The following TEDDM1 variants were observed in gnomAD, a reference collection of about 807,000 sequenced individuals.
TEDDM1 encodes the protein transmembrane epididymal protein 1.
For missense variants in TEDDM1, 344 were observed against 318.9 expected (o/e 1.08, Z -0.60); for synonymous variants, 126 against 128.0 (o/e 0.98, Z 0.11).
chr1:182,398,821 T>G lies in TEDDM1; in HGVS notation c.*843A>C, dbSNP rs574574704. 6.6e-6 allele frequency: 1 copy of G among 152,336 alleles called. No individual in the cohort carries two copies. Among genetic ancestry groups the G allele is most frequent in the East Asian group, 1.9e-4 (1 of 5,194 alleles). The allele number at this position is 152,336 out of a possible 1,614,324, so 9.4% of individuals were successfully genotyped here. Reference sequence around the variant, plus strand: ...TATAAAAATGCTATAGCAGTTGAATTCTATACAAATTTAAATTATGGAAAT... The same window carrying G: ...TATAAAAATGCTATAGCAGTTGAATGCTATACAAATTTAAATTATGGAAAT... On this transcript the variant is annotated 3_prime_UTR_variant, in exon 1 of 1. Coordinates refer to ENST00000367565, the MANE Select transcript of TEDDM1 (RefSeq NM_172000.4).
rs993566836 is a variant in TEDDM1 at position 182,398,780 on chromosome 1, C to T, written c.*884G>A. ...AATAAAATGAGAAGTCAGGGAAGTA[C>T]CAAGCATTTGAATGCTATAAAAATG... On this transcript the variant is annotated 3_prime_UTR_variant, in exon 1 of 1. Coordinates refer to ENST00000367565, the MANE Select transcript of TEDDM1 (RefSeq NM_172000.4). 6.6e-6 allele frequency: 1 copy of T among 152,108 alleles called. No individual in the cohort carries two copies. Among genetic ancestry groups the T allele is most frequent in the African/African-American group, 2.4e-5 (1 of 41,408 alleles). The allele number at this position is 152,108 out of a possible 1,614,324, so 9.4% of individuals were successfully genotyped here.
Position 182,399,849 on chromosome 1 carries a change from G to C in TEDDM1, c.637C>G (p.Leu213Val). The change falls in exon 1 of 1, where the codon CTG becomes GTG. Residue 213 changes from leucine to valine, a missense_variant. Coordinates refer to ENST00000367565, the MANE Select transcript of TEDDM1 (RefSeq NM_172000.4). ...GAAGAGAAGCCATAGATTCCCAACAGGAATGAGGCATTGATCATCACATGC... is the reference window on the plus strand; with the variant it reads ...GAAGAGAAGCCATAGATTCCCAACACGAATGAGGCATTGATCATCACATGC... ...CWHVMINASF[L>V]LGIYGFSSFW... 2 of 1,614,190 alleles carry C rather than the reference G, an allele frequency of 1.2e-6. No individual in the cohort carries two copies. Among genetic ancestry groups the C allele is most frequent in the Non-Finnish European group, 1.7e-6 (2 of 1,180,036 alleles).
rs1263858134 is a variant in TEDDM1 at position 182,399,567 on chromosome 1, GCCATTACCTT to G, written c.*87_*96del. On this transcript the variant is annotated 3_prime_UTR_variant, in exon 1 of 1. Transcript: ENST00000367565. ...ACGGGACCAACTGCTAGCCTTCAAG[GCCATTACCTT>G]TACCAAGGAGGGTACCATGCTCGTG... is the stretch of plus-strand genomic sequence containing the variant. 20 of 858,586 alleles carry G rather than the reference GCCATTACCTT, an allele frequency of 2.3e-5. No individual in the cohort carries two copies. In the East Asian group the frequency reaches 4.8e-4, roughly 21 times the overall value. 53.2% of individuals were successfully genotyped at this position (858,586 alleles called of 1,614,324 possible).
chr1:182,399,626 A>G lies in TEDDM1; in HGVS notation c.*38T>C. ...TGGCTGAGGAGCCAACAGGAGGAAG[A>G]TGAGGTGGACGATGTGCCAGCCACT... On this transcript the variant is annotated 3_prime_UTR_variant, in exon 1 of 1. Coordinates refer to ENST00000367565, the MANE Select transcript of TEDDM1 (RefSeq NM_172000.4). 5 of 1,503,620 alleles carry G rather than the reference A, an allele frequency of 3.3e-6. No homozygotes were observed. The highest frequency in any genetic ancestry group is 4.6e-6 in the Non-Finnish European group (5 of 1,084,610). 93.1% of individuals were successfully genotyped at this position (1,503,620 alleles called of 1,614,324 possible).
Position 182,400,373 on chromosome 1 carries a change from G to C in TEDDM1, c.113C>G (p.Ser38Cys). Residue 38 changes from serine to cysteine, a missense_variant, in exon 1 of 1, where the codon TCC becomes TGC. Ser to Cys is a moderately radical substitution (Grantham distance 112). Transcript: ENST00000367565. ...GAGAACCACATAAAATGTTAAGAGG[G>C]AGCCAGTCACTATCTTTAGTAATCC... ...YGGLLKIVTG[S>C]LLTFYVVLCL... The C allele has an allele frequency of 6.2e-7, 1 of 1,614,164 alleles. No homozygotes were observed.
At position 182,400,070 on chromosome 1, in the gene TEDDM1, A is replaced by C; in HGVS notation, c.416T>G (p.Leu139Arg). 1 of 1,614,132 alleles carries C rather than the reference A, an allele frequency of 6.2e-7. No homozygotes were observed. Among genetic ancestry groups the C allele is most frequent in the Non-Finnish European group, 8.5e-7 (1 of 1,179,984 alleles). ...VYSLLILVVF[L>R]LLLVLTAELW... Reference sequence around the variant, plus strand: ...CTCTGCAGTCAACACCAGCAACAGCAGGAACACCACCAAGATGAGCAGAGA... The same window carrying C: ...CTCTGCAGTCAACACCAGCAACAGCCGGAACACCACCAAGATGAGCAGAGA... The change falls in exon 1 of 1, where the codon CTG (leucine) becomes CGG (arginine). Residue 139 changes from leucine (L) to arginine (R), a missense_variant. Physicochemically the swap from Leu to Arg is moderately radical, Grantham distance 102. Coordinates refer to ENST00000367565, the MANE Select transcript of TEDDM1 (RefSeq NM_172000.4).
In TEDDM1 at chr1:182,399,946, T is replaced by C; in HGVS notation, c.540A>G (p.Arg180=). 6.2e-7 allele frequency: 1 copy of C among 1,613,704 alleles called. No homozygotes were observed. The highest frequency in any genetic ancestry group is 8.5e-7 in the Non-Finnish European group (1 of 1,179,928). ...CCTGCCATGGGTAGCCAGAGACGGG[T>C]CTGTATAGAATAAAGCCTGCCTGCA... The part of the protein sequence containing the change: ...WLMQAGFILY[R]PVSGYPWQDD... The change falls in exon 1 of 1, where the codon AGA becomes AGG. Residue 180 remains arginine, a synonymous_variant. Coordinates refer to ENST00000367565, the MANE Select transcript of TEDDM1 (RefSeq NM_172000.4).
At position 182,399,927 on chromosome 1, in the gene TEDDM1, A is replaced by G; in HGVS notation, c.559T>C (p.Trp187Arg). 1 of 1,614,196 alleles carries G rather than the reference A, an allele frequency of 6.2e-7. No individual in the cohort carries two copies. The highest frequency in any genetic ancestry group is 8.5e-7 in the Non-Finnish European group (1 of 1,180,038). Residue 187 changes from tryptophan (W) to arginine (R), a missense_variant, in exon 1 of 1, where the codon TGG (tryptophan) becomes CGG (arginine). Transcript: ENST00000367565. ...ILYRPVSGYPWQDDDISDIMF... is the reference protein window; with the variant it reads ...ILYRPVSGYPRQDDDISDIMF... ...ATGTCACTGATGTCATCGTCCTGCC[A>G]TGGGTAGCCAGAGACGGGTCTGTAT...
In TEDDM1 at chr1:182,400,225, C is replaced by G. The variant is rs865841542; in HGVS notation, c.261G>C (p.Met87Ile). Residue 87 changes from methionine (M) to isoleucine (I), a missense_variant, in exon 1 of 1, where the codon ATG becomes ATC. By Grantham distance (10) the Met-to-Ile change is conservative. Coordinates refer to ENST00000367565, the MANE Select transcript of TEDDM1 (RefSeq NM_172000.4). ...ACCTCTGAGGCAGCACATTCTTGCTCATGAAGTCCACACAGCCATTAAGAG... is the reference window on the plus strand; with the variant it reads ...ACCTCTGAGGCAGCACATTCTTGCTGATGAAGTCCACACAGCCATTAAGAG... Reference protein sequence around the residue: ...LLTLNGCVDFMSKNVLPQRCV... With the variant: ...LLTLNGCVDFISKNVLPQRCV... 1.2e-6 allele frequency: 2 copies of G among 1,614,144 alleles called. No homozygotes were observed. Among genetic ancestry groups the G allele is most frequent in the Admixed American group, 1.7e-5 (1 of 60,014 alleles).
Position 182,400,292 on chromosome 1 carries a change from T to C in TEDDM1, c.194A>G (p.Tyr65Cys), listed in dbSNP as rs775298307. ...MRKQVPSRFM[Y>C]PKEWQHLTMF... ...GGTGAGGTGCTGCCACTCTTTGGGGTACATGAACCTTGATGGCACTTGCTT... is the reference window on the plus strand; with the variant it reads ...GGTGAGGTGCTGCCACTCTTTGGGGCACATGAACCTTGATGGCACTTGCTT... The change falls in exon 1 of 1, where the codon TAC becomes TGC. Residue 65 changes from tyrosine (Y) to cysteine (C), a missense_variant. Physicochemically the swap from Tyr to Cys is radical, Grantham distance 194. Coordinates refer to ENST00000367565, the MANE Select transcript of TEDDM1 (RefSeq NM_172000.4). 1.9e-6 allele frequency: 3 copies of C among 1,614,050 alleles called. No individual in the cohort carries two copies. In the South Asian group the frequency reaches 3.3e-5, roughly 18 times the overall value.
At position 182,400,459 on chromosome 1, in the gene TEDDM1, A is replaced by G. The variant is rs1650670879; in HGVS notation, c.27T>C (p.Tyr9=). The G allele has an allele frequency of 1.2e-6, 2 of 1,611,232 alleles. No individual in the cohort carries two copies. The highest frequency in any genetic ancestry group is 1.7e-6 in the Non-Finnish European group (2 of 1,179,384). Residue 9 remains tyrosine, a synonymous_variant, in exon 1 of 1, where the codon TAT becomes TAC. Coordinates refer to ENST00000367565, the MANE Select transcript of TEDDM1 (RefSeq NM_172000.4). The stretch of plus-strand genomic sequence containing the variant: ...GCTTATTCCTGGGAGAGCACAAAGG[A>G]TACAGGAGACAACCTTTGAGTATCA... MILKGCLL[Y]PLCSPRNKQR...
chr1:182,400,106 A>T lies in TEDDM1; in HGVS notation c.380T>A (p.Leu127Gln), dbSNP rs1650658200. The T allele has an allele frequency of 1.7e-5, 27 of 1,613,866 alleles. No homozygotes were observed. The highest frequency in any genetic ancestry group is 2.3e-5 in the Non-Finnish European group (27 of 1,179,904). ...CAAGATGAGCAGAGAATAAACGTGCAGCTCCACCCCTTCTGAATCTTTAAC... is the reference window on the plus strand; with the variant it reads ...CAAGATGAGCAGAGAATAAACGTGCTGCTCCACCCCTTCTGAATCTTTAAC... ...SHVKDSEGVELHVYSLLILVV... is the reference protein window; with the variant it reads ...SHVKDSEGVEQHVYSLLILVV... The change falls in exon 1 of 1, where the codon CTG becomes CAG. Residue 127 changes from leucine (L) to glutamine (Q), a missense_variant. Coordinates refer to ENST00000367565, the MANE Select transcript of TEDDM1 (RefSeq NM_172000.4).
chr1:182,399,570 ATTACCT>A lies in TEDDM1; in HGVS notation c.*88_*93del. 1.1e-6 allele frequency: 1 copy of A among 898,204 alleles called. No homozygotes were observed. The highest frequency in any genetic ancestry group is 1.8e-6 in the Non-Finnish European group (1 of 560,514). 55.6% of individuals were successfully genotyped at this position (898,204 alleles called of 1,614,324 possible). ...GGACCAACTGCTAGCCTTCAAGGCC[ATTACCT>A]TTACCAAGGAGGGTACCATGCTCGT... On this transcript the variant is annotated 3_prime_UTR_variant, in exon 1 of 1. Coordinates refer to ENST00000367565, the MANE Select transcript of TEDDM1 (RefSeq NM_172000.4).
Position 182,400,451 on chromosome 1 carries a change from C to G in TEDDM1, c.35G>C (p.Cys12Ser). The G allele has an allele frequency of 6.2e-7, 1 of 1,612,386 alleles. No homozygotes were observed. The highest frequency in any genetic ancestry group is 8.5e-7 in the Non-Finnish European group (1 of 1,179,622). ...ILKGCLLYPL[C>S]SPRNKQRCAR... ...ACATCTTTGCTTATTCCTGGGAGAG[C>G]ACAAAGGATACAGGAGACAACCTTT... Residue 12 changes from cysteine to serine, a missense_variant, in exon 1 of 1, where the codon TGC (cysteine) becomes TCC (serine). By Grantham distance (112) the Cys-to-Ser change is moderately radical. Coordinates refer to ENST00000367565, the MANE Select transcript of TEDDM1 (RefSeq NM_172000.4).
chr1:182,400,481 A>G lies in TEDDM1; in HGVS notation c.5T>C (p.Ile2Thr). The stretch of plus-strand genomic sequence containing the variant: ...AGGATACAGGAGACAACCTTTGAGT[A>G]TCATGCCCTTGGAGACCACTGTGGC... MILKGCLLYPLC... is the reference protein window; with the variant it reads MTLKGCLLYPLC... The change falls in exon 1 of 1, where the codon ATA becomes ACA. Residue 2 changes from isoleucine to threonine, a missense_variant. Physicochemically the swap from Ile to Thr is moderately conservative, Grantham distance 89. Transcript: ENST00000367565. The G allele has an allele frequency of 1.9e-6, 3 of 1,602,828 alleles. No individual in the cohort carries two copies. In the South Asian group the frequency reaches 3.3e-5, roughly 18 times the overall value.
At position 182,400,182 on chromosome 1, in the gene TEDDM1, C is replaced by A. The variant is rs766377134; in HGVS notation, c.304G>T (p.Gly102Cys). 1.9e-6 allele frequency: 3 copies of A among 1,614,068 alleles called. No homozygotes were observed. Among genetic ancestry groups the A allele is most frequent in the Non-Finnish European group, 2.5e-6 (3 of 1,180,018 alleles). The change falls in exon 1 of 1, where the codon GGT becomes TGT. Residue 102 changes from glycine to cysteine, a missense_variant. Transcript: ENST00000367565. ...TCGTAGATGATCAGGACCAGGGTAC[C>A]TTTTTCTAGGCCCACACACCTCTGA... The part of the protein sequence containing the change: ...LPQRCVGLEK[G>C]TLVLIIYELL...
Position 182,398,219 on chromosome 1 carries a change from A to G in TEDDM1, c.*1445T>C, listed in dbSNP as rs1489583868. 1 of 152,240 alleles carries G rather than the reference A, an allele frequency of 6.6e-6. No individual in the cohort carries two copies. The highest frequency in any genetic ancestry group is 2.4e-5 in the African/African-American group (1 of 41,450). The allele number at this position is 152,240 out of a possible 1,614,324, so 9.4% of individuals were successfully genotyped here. On this transcript the variant is annotated 3_prime_UTR_variant, in exon 1 of 1. Transcript: ENST00000367565. The stretch of plus-strand genomic sequence containing the variant: ...GTGTTCAGGACTGTTGTTGTCACCC[A>G]GAGAGATTCACAAAACCTCCAACCT...
In TEDDM1 at chr1:182,399,982, G is replaced by C. The variant is rs1412157779; in HGVS notation, c.504C>G (p.Gly168=). Residue 168 remains glycine (G), a synonymous_variant, in exon 1 of 1, where the codon GGC becomes GGG. Transcript: ENST00000367565. ...LMETFLILMM[G]SWLMQAGFIL... is the part of the protein sequence containing the mutation. ...TAAAGCCTGCCTGCATCAGCCAGGA[G>C]CCCATCATCAGAATCAGAAAGGTCT... 13 of 1,613,988 alleles carry C rather than the reference G, an allele frequency of 8.1e-6. No homozygotes were observed. The highest frequency in any genetic ancestry group is 1.1e-5 in the Non-Finnish European group (13 of 1,180,034).
At position 182,400,102 on chromosome 1, in the gene TEDDM1, G is replaced by A. The variant is rs758447986; in HGVS notation, c.384C>T (p.His128=). 112 of 1,613,806 alleles carry A rather than the reference G, an allele frequency of 6.9e-5. No individual in the cohort carries two copies. The highest frequency in any genetic ancestry group is 1.6e-4 in the Middle Eastern group (1 of 6,084). Residue 128 remains histidine, a synonymous_variant, in exon 1 of 1, where the codon CAC becomes CAT. Coordinates refer to ENST00000367565, the MANE Select transcript of TEDDM1 (RefSeq NM_172000.4). Reference sequence around the variant, plus strand: ...CCACCAAGATGAGCAGAGAATAAACGTGCAGCTCCACCCCTTCTGAATCTT... The same window carrying A: ...CCACCAAGATGAGCAGAGAATAAACATGCAGCTCCACCCCTTCTGAATCTT... ...HVKDSEGVEL[H]VYSLLILVVF...
Sources: allele counts gnomAD v4.1 joint callset, GRCh38; gene constraint gnomAD v4.1.1; transcripts MANE v1.5; gene names NCBI Gene and HGNC (gene_info 2026-07-23, HGNC 2026-07-21).